Variants in PTPN13 observed in about 807,000 individuals in gnomAD.
The protein encoded by PTPN13 is protein tyrosine phosphatase non-receptor type 13, also known as tyrosine-protein phosphatase non-receptor type 13.
Under a neutral mutation model 284.0 loss-of-function variants are expected in PTPN13, and 191 were observed. That is an observed-to-expected ratio of 0.67 (90% confidence interval 0.60 to 0.76). PTPN13 has a LOEUF of 0.76. Ranked by LOEUF, PTPN13 falls within the 30% of genes least tolerant of loss-of-function variation. The pLI, the probability that PTPN13 is intolerant of heterozygous loss-of-function variation, is 0.00. For synonymous variants in PTPN13, 986 were observed against 1,022.3 expected (o/e 0.96, Z 0.68); for missense variants, 2,797 against 2,939.9 (o/e 0.95, Z 1.12).
intron 9 of PTPN13, among the ~76,000 whole-genome samples, chr4:86,719,639 AT>A (rs376562833): frequency 3.0e-4 from 45 of 152,094 alleles, no homozygotes; most frequent in Middle Eastern, 6.8e-3. Flanking sequence ...AGCATCTGTA[AT>A]TTTTTTACTT....
chr4:86,676,919 A>G (rs1728334518), intron 3 of PTPN13, among the ~76,000 whole-genome samples: 1 of 152,170 alleles, frequency 6.6e-6, no homozygotes, highest in East Asian at 1.9e-4. Flanking sequence ...TTGCAAGGTG[A>G]AAAAGTTCCA....
rs748614858 is a variant in PTPN13 at position 86,763,146 on chromosome 4, G to A, written c.3973G>A (p.Glu1325Lys). The A allele has an allele frequency of 4.3e-6, 7 of 1,613,652 alleles. No homozygotes were observed. The highest frequency in any genetic ancestry group is 1.3e-5 in the African/African-American group (1 of 74,856). ...YSDRGDSDMD[E>K]ATYSSSQDHQ... ...AGACCGTGGAGATTCAGACATGGAT[G>A]AAGCCACTTACTCCAGCAGTCAGGA... Residue 1325 changes from glutamate (E) to lysine (K), a missense_variant, in exon 24 of 48, where the codon GAA becomes AAA. Glu to Lys is a moderately conservative substitution (Grantham distance 56). Transcript: ENST00000411767.
At chr4:86,641,963 TA>T (rs1723846423) in intron 2 of PTPN13, among the ~76,000 whole-genome samples, 1 of 152,218 alleles carries the variant, frequency 6.6e-6, no homozygotes, top group South Asian at 2.1e-4. Flanking sequence ...TTCCTAGGGA[TA>T]GTCAAAACTT....
rs1327334274 is a variant in PTPN13 at position 86,769,758 on chromosome 4, T to G, written c.4490-11T>G. On this transcript the variant is annotated splice_polypyrimidine_tract_variant and intron_variant, in intron 28 of 47. Coordinates refer to ENST00000411767, the MANE Select transcript of PTPN13 (RefSeq NM_080683.3). ...ATAATATCTAAATTTTTTTTATATCTTTTTCTCCAGAAAATACATTTGAGG... is the reference window on the plus strand; with the variant it reads ...ATAATATCTAAATTTTTTTTATATCGTTTTCTCCAGAAAATACATTTGAGG... 1 of 1,544,490 alleles carries G rather than the reference T, an allele frequency of 6.5e-7. No homozygotes were observed. Among genetic ancestry groups the G allele is most frequent in the African/African-American group, 1.4e-5 (1 of 72,160 alleles).
intron 16 of PTPN13, among the ~76,000 whole-genome samples, chr4:86,743,546 T>C (rs1736397150): frequency 6.6e-6 from 1 of 152,200 alleles, no homozygotes; most frequent in Non-Finnish European, 1.5e-5. Context: ...GATACTAGTT[T>C]GTTGCTACTG....
chr4:86,710,595 T>C (rs975246459), intron 7 of PTPN13, among the ~76,000 whole-genome samples: 2 of 152,202 alleles, frequency 1.3e-5, no homozygotes, highest in African/African-American at 4.8e-5. Flanking sequence ...CACAACTTTA[T>C]ATGGTAAAAG....
chr4:86,679,976 G>C (rs1040216667), intron 3 of PTPN13, among the ~76,000 whole-genome samples: 1 of 152,138 alleles, frequency 6.6e-6, no homozygotes, highest in African/African-American at 2.4e-5. Context: ...TGTCACCTAA[G>C]GGATATATGA....
At position 86,735,752 on chromosome 4, in the gene PTPN13, C is replaced by T; in HGVS notation, c.2304+6C>T. 1.9e-6 allele frequency: 3 copies of T among 1,605,546 alleles called. No homozygotes were observed. In the South Asian group the frequency reaches 3.4e-5, roughly 18 times the overall value. ...CAGAGTTAGAATTTTTAAAGGTAAGCATCCAAGATTACAAATGATAAGCTT... is the reference window on the plus strand; with the variant it reads ...CAGAGTTAGAATTTTTAAAGGTAAGTATCCAAGATTACAAATGATAAGCTT... On this transcript the variant is annotated splice_donor_region_variant and intron_variant, in intron 15 of 47. Transcript: ENST00000411767.
At chr4:86,634,414 C>T (rs185393207) in intron 1 of PTPN13, among the ~76,000 whole-genome samples, 3 of 152,156 alleles carry the variant, frequency 2.0e-5, no homozygotes, top group African/African-American at 4.8e-5. Flanking sequence ...GCTTATTAAG[C>T]CCCATAGAAA....
chr4:86,807,704 T>G lies in PTPN13; in HGVS notation c.6890T>G (p.Ile2297Ser). Residue 2297 changes from isoleucine to serine, a missense_variant, in exon 45 of 48, where the codon ATT becomes AGT. Coordinates refer to ENST00000411767, the MANE Select transcript of PTPN13 (RefSeq NM_080683.3). ...PTTVGDFWQM[I>S]WEQKSTVIAM... The stretch of plus-strand genomic sequence containing the variant: ...ACTGTTGGAGACTTCTGGCAGATGA[T>G]TTGGGAGCAAAAATCCACAGTGATA... 1.2e-6 allele frequency: 2 copies of G among 1,613,994 alleles called. No homozygotes were observed. Among genetic ancestry groups the G allele is most frequent in the South Asian group, 1.1e-5 (1 of 91,078 alleles).
chr4:86,641,514 A>G (rs138750718), intron 2 of PTPN13, among the ~76,000 whole-genome samples: 2 of 152,272 alleles, frequency 1.3e-5, no homozygotes, highest in Admixed American at 1.3e-4. Context: ...CCAGCAATCG[A>G]AGGCTTTCCA....
At chr4:86,792,600 C>G (rs1443286396) in intron 40 of PTPN13, among the ~76,000 whole-genome samples, 2 of 151,898 alleles carry the variant, frequency 1.3e-5, no homozygotes, top group Non-Finnish European at 2.9e-5. Flanking sequence ...GTTAAGTGTG[C>G]AGCCAGAGAG....
At chr4:86,772,731 G>T in intron 31 of PTPN13, 47 bp from the exon 32 acceptor site, 1 of 1,458,032 alleles carries the variant, frequency 6.9e-7, no homozygotes, top group South Asian at 1.3e-5. Flanking sequence ...TAACCATATT[G>T]ACATTGAAAT....
Position 86,701,348 on chromosome 4 carries a change from G to A in PTPN13, c.742G>A (p.Asp248Asn), listed in dbSNP as rs761752777. ...ATCTATGGGATTTCTGTCCATCAAA[G>A]ATACACAAGATGAGAATTATTTCAA... Reference protein sequence around the residue: ...SKSMGFLSIKDTQDENYFKDI... With the variant: ...SKSMGFLSIKNTQDENYFKDI... The change falls in exon 7 of 48, where the codon GAT (aspartate) becomes AAT (asparagine). Residue 248 changes from aspartate (D) to asparagine (N), a missense_variant. Asp to Asn is a conservative substitution (Grantham distance 23). Transcript: ENST00000411767. 1 of 1,612,504 alleles carries A rather than the reference G, an allele frequency of 6.2e-7. No individual in the cohort carries two copies.
Position 86,734,492 on chromosome 4 carries a change from G to T in PTPN13, c.2012+36G>T, listed in dbSNP as rs755273359. On this transcript the variant is annotated intron_variant, in intron 13 of 47. Transcript: ENST00000411767. The stretch of plus-strand genomic sequence containing the variant: ...AAGAGTTTCTCTTTTGCTCTTTTTG[G>T]ACACTGGTCTTTTGACCCTTTAGCT... 6.1e-6 allele frequency: 9 copies of T among 1,478,802 alleles called. No homozygotes were observed. The Admixed American group carries it at 2.2e-4, about 35-fold the overall frequency. The allele number at this position is 1,478,802 out of a possible 1,614,324, so 91.6% of individuals were successfully genotyped here. A position where few individuals can be genotyped will look rare whatever the true frequency, so the allele number is the denominator to read the frequency against.
At chr4:86,710,409 T>C (rs1251352263) in intron 7 of PTPN13, among the ~76,000 whole-genome samples, 1 of 152,206 alleles carries the variant, frequency 6.6e-6, no homozygotes, top group Non-Finnish European at 1.5e-5. Flanking sequence ...GTGTCACTTG[T>C]AAATGGTGTT....
intron 16 of PTPN13, among the ~76,000 whole-genome samples, chr4:86,744,709 T>C (rs562664084): frequency 6.6e-6 from 1 of 152,326 alleles, no homozygotes; most frequent in South Asian, 2.1e-4. Context: ...CTAGGAGCAA[T>C]AGGCTACATC....
intron 43 of PTPN13, 112 bp from the exon 44 acceptor site, chr4:86,805,167 A>T (rs1744516207): frequency 1.7e-6 from 1 of 572,940 alleles, no homozygotes; most frequent in African/African-American, 1.9e-5. Flanking sequence ...TGTATTTAAC[A>T]CTCAGAATCA....
At chr4:86,745,707 C>T (rs904489175) in intron 17 of PTPN13, among the ~76,000 whole-genome samples, 3 of 151,704 alleles carry the variant, frequency 2.0e-5, no homozygotes, top group East Asian at 1.9e-4. Context: ...ACCTGGGAGG[C>T]GGAGGTTGCA....
Sources: gnomAD v4.1 joint callset for allele counts (sites outside exome capture counted in the v4.1 genomes callset) on GRCh38, gnomAD v4.1.1 for gene constraint, MANE v1.5 for transcripts, NCBI Gene and HGNC (gene_info 2026-07-23, HGNC 2026-07-21) for gene names.